Variants in STK3 observed in about 807,000 individuals in gnomAD.
STK3 encodes serine/threonine kinase 3.
STK3 carries 41 observed loss-of-function variants against 58.0 expected under a neutral mutation model. That is an observed-to-expected ratio of 0.71 (90% CI 0.55 to 0.92). The LOEUF (loss-of-function observed/expected upper bound fraction) is 0.92, where lower values mean the gene tolerates loss of function less well. Among genes scored for constraint, STK3 ranks in the 40% least tolerant of loss-of-function variants. The probability of loss-of-function intolerance (pLI) is 0.00; values close to 1 mark genes in which losing one functional copy is unlikely to be tolerated. For synonymous variants in STK3, 170 were observed against 191.0 expected (o/e 0.89, Z 0.91); for missense variants, 479 against 602.7 (o/e 0.79, Z 2.15).
intron 3 of STK3, among the ~76,000 whole-genome samples, chr8:98,402,475 G>A (rs780893743): frequency 6.6e-6 from 1 of 152,236 alleles, no homozygotes; most frequent in African/African-American, 2.4e-5. Flanking sequence ...GGAAGCGAAA[G>A]TCTGGGCCCC....
intron 1 of STK3, among the ~76,000 whole-genome samples, chr8:98,940,110 C>T (rs1161147776): frequency 6.6e-6 from 1 of 152,158 alleles, no homozygotes; most frequent in Non-Finnish European, 1.5e-5. Flanking sequence ...GCCCGCGCGC[C>T]GCCCCGGGAG....
At chr8:98,713,368 CA>C (rs957412194) in intron 4 of STK3, among the ~76,000 whole-genome samples, 4 of 151,712 alleles carry the variant, frequency 2.6e-5, no homozygotes, top group Admixed American at 1.3e-4. Flanking sequence ...AAAAGAGCAA[CA>C]AAATAGACCG....
intron 3 of STK3, among the ~76,000 whole-genome samples, chr8:98,862,761 G>A (rs1035338381): frequency 6.6e-6 from 1 of 152,216 alleles, no homozygotes; most frequent in South Asian, 2.1e-4. Flanking sequence ...TATTGAAATG[G>A]CATCTACTGA....
At chr8:98,627,771 G>T (rs192041838) in intron 6 of STK3, among the ~76,000 whole-genome samples, 41 of 152,214 alleles carry the variant, frequency 2.7e-4, no homozygotes, top group African/African-American at 9.6e-4. Context: ...ACACAGCAAA[G>T]CCTAAGATTT....
intron 9 of STK3, among the ~76,000 whole-genome samples, chr8:98,532,108 A>G (rs1020015105): frequency 2.6e-5 from 4 of 152,332 alleles, no homozygotes; most frequent in East Asian, 1.9e-4. Flanking sequence ...TGCATTCACA[A>G]CTTGGCTGTT....
intron 1 of STK3, among the ~76,000 whole-genome samples, chr8:98,781,688 C>T (rs936026654): frequency 6.6e-6 from 1 of 152,080 alleles, no homozygotes; most frequent in African/African-American, 2.4e-5. Context: ...AAGCATCAAG[C>T]CAAACCACAA....
intron 3 of STK3, among the ~76,000 whole-genome samples, chr8:98,845,666 CAGTT>C (rs748181779): frequency 6.4e-4 from 97 of 151,830 alleles, no homozygotes; most frequent in African/African-American, 2.2e-3. Context: ...AAGTTCTACA[CAGTT>C]AGTCTGGACT....
intron 3 of STK3, among the ~76,000 whole-genome samples, chr8:98,868,747 T>TG (rs1837239508): frequency 6.6e-6 from 1 of 151,976 alleles, no homozygotes; most frequent in African/African-American, 2.4e-5. Context: ...CGCCGGCGGA[T>TG]GGCTTGAGCT....
intron 4 of STK3, among the ~76,000 whole-genome samples, chr8:98,738,294 G>T (rs943275137): frequency 6.6e-6 from 1 of 151,820 alleles, no homozygotes; most frequent in Non-Finnish European, 1.5e-5. Flanking sequence ...CCAACGTGGC[G>T]AAACCCTATC....
At chr8:98,798,403 T>G (rs1457008646) in intron 1 of STK3, among the ~76,000 whole-genome samples, 1 of 152,208 alleles carries the variant, frequency 6.6e-6, no homozygotes, top group East Asian at 1.9e-4. Flanking sequence ...TTGTGAATTT[T>G]AACACCTCAG....
At chr8:98,418,302 C>T (rs1407856737) in intron 3 of STK3, among the ~76,000 whole-genome samples, 2 of 152,204 alleles carry the variant, frequency 1.3e-5, no homozygotes, top group South Asian at 2.1e-4. Flanking sequence ...CTACAAGCAG[C>T]GTGGTATCTC....
chr8:98,767,440 G>A, intron 2 of STK3, 69 bp from the exon 3 acceptor site: 1 of 1,417,582 alleles, frequency 7.1e-7, no homozygotes, highest in Non-Finnish European at 9.3e-7. Flanking sequence ...AGTCTACTAT[G>A]AGTTTTCTGT....
chr8:98,483,877 CAT>C (rs1822031170), intron 10 of STK3, among the ~76,000 whole-genome samples: 1 of 152,068 alleles, frequency 6.6e-6, no homozygotes, highest in Non-Finnish European at 1.5e-5. Context: ...TGCTAGGTGT[CAT>C]AGATTTAAAT....
At chr8:98,924,892 T>C (rs1282146727) in intron 1 of STK3, among the ~76,000 whole-genome samples, 2 of 152,166 alleles carry the variant, frequency 1.3e-5, no homozygotes, top group African/African-American at 2.4e-5. Context: ...ACTGTGCCCA[T>C]AAAATGCCTC....
At chr8:98,535,293 T>A (rs185629630) in intron 9 of STK3, among the ~76,000 whole-genome samples, 1 of 152,260 alleles carries the variant, frequency 6.6e-6, no homozygotes, top group East Asian at 1.9e-4. Context: ...ATTTAGTATT[T>A]GTAGGTGCTT....
upstream of STK3, among the ~76,000 whole-genome samples, chr8:98,391,117 A>G (rs114598441): frequency 3.3e-5 from 5 of 152,250 alleles, no homozygotes; most frequent in African/African-American, 1.2e-4. Flanking sequence ...TGTATCCTGG[A>G]CATTTTGATT....
intron 3 of STK3, among the ~76,000 whole-genome samples, chr8:98,863,423 G>C (rs11774997): frequency 0.024 from 3,652 of 152,122 alleles, 69 homozygotes; most frequent in Middle Eastern, 0.088. Context: ...ATGTACCTCA[G>C]TTTCCCCATA....
At chr8:98,531,185 G>C (rs1426417863) in intron 9 of STK3, among the ~76,000 whole-genome samples, 2 of 152,154 alleles carry the variant, frequency 1.3e-5, no homozygotes, top group Non-Finnish European at 2.9e-5. Flanking sequence ...ACTTGATCCA[G>C]ATCCATCAAA....
At chr8:98,759,073 G>GTGC (rs2131399305) in intron 3 of STK3, among the ~76,000 whole-genome samples, 1 of 152,294 alleles carries the variant, frequency 6.6e-6, no homozygotes, top group Admixed American at 6.5e-5. Flanking sequence ...TACCACTCAT[G>GTGC]TGCTCACTGG....
Sources: allele counts gnomAD v4.1 joint callset (sites outside exome capture counted in the v4.1 genomes callset), GRCh38; gene constraint gnomAD v4.1.1; transcripts MANE v1.5; gene names NCBI Gene and HGNC (gene_info 2026-07-23, HGNC 2026-07-21).